The following SLC9C2 variants were observed in gnomAD, a reference collection of about 807,000 sequenced individuals.
SLC9C2 encodes the protein sodium/hydrogen exchanger 11.
In SLC9C2, 75 loss-of-function variants were observed where a neutral mutation model predicts 140.2. That is an observed-to-expected ratio of 0.53 (90% confidence interval 0.44 to 0.65). SLC9C2 has a LOEUF of 0.65. SLC9C2 is among the 30% of genes least tolerant of loss of function. SLC9C2 has a pLI of 0.00. For synonymous variants in SLC9C2, 375 were observed against 420.9 expected, an observed-to-expected ratio of 0.89 and a Z score of 1.34; for missense variants, 1,074 against 1,331.8, an observed-to-expected ratio of 0.81 and a Z score of 3.01.
At chr1:173,502,249 T>C (rs952783536) in intron 27 of SLC9C2, among the ~76,000 whole-genome samples, 8 of 126,158 alleles carry the variant, frequency 6.3e-5, no homozygotes. Flanking sequence ...CTCCAGCCCA[T>C]GTGACAGAGT....
intron 27 of SLC9C2, among the ~76,000 whole-genome samples, chr1:173,502,403 T>TA (rs1425478532): frequency 6.6e-6 from 1 of 151,914 alleles, no homozygotes; most frequent in Non-Finnish European, 1.5e-5. Context: ...TGCATTTGTC[T>TA]AGCACCCTAT....
intron 13 of SLC9C2, 55 bp downstream of exon 13, chr1:173,547,634 G>T (rs1282617948): frequency 7.4e-7 from 1 of 1,347,310 alleles, no homozygotes; most frequent in Non-Finnish European, 1.1e-6. Context: ...CATATGCAAG[G>T]ATCAAAGACA....
chr1:173,540,359 C>T (rs1475648967), intron 13 of SLC9C2, among the ~76,000 whole-genome samples: 1 of 152,216 alleles, frequency 6.6e-6, no homozygotes, highest in Non-Finnish European at 1.5e-5. Context: ...AATAATAAAT[C>T]ATTGCTTTAA....
rs569589802 is a variant in SLC9C2 at position 173,501,329 on chromosome 1, G to A, written c.3372-232C>T. ...ATACTACATTAATTCCATGAGAGTAGTCTATCAAAGGTGGGTTTAAGAAGA... is the reference window on the plus strand; with the variant it reads ...ATACTACATTAATTCCATGAGAGTAATCTATCAAAGGTGGGTTTAAGAAGA... On this transcript the variant is annotated intron_variant, in intron 27 of 27. Transcript: ENST00000367714. Among the ~76,000 whole-genome samples, 5 of 152,184 alleles carry A rather than the reference G, an allele frequency of 3.3e-5. No homozygotes were observed. The South Asian group carries it at 1.0e-3, about 32-fold the overall frequency.
At chr1:173,593,904 T>G (rs541280610) in intron 4 of SLC9C2, among the ~76,000 whole-genome samples, 1 of 152,306 alleles carries the variant, frequency 6.6e-6, no homozygotes, top group Admixed American at 6.5e-5. Context: ...ACATTTAATA[T>G]TTTCAAACCA....
intron 10 of SLC9C2, among the ~76,000 whole-genome samples, chr1:173,555,863 T>C (rs1005881199): frequency 6.6e-6 from 1 of 152,190 alleles, no homozygotes; most frequent in Non-Finnish European, 1.5e-5. Context: ...ACGTGAGGTC[T>C]TTCCCTCTCA....
intron 8 of SLC9C2, among the ~76,000 whole-genome samples, chr1:173,576,032 T>A (rs1310287322): frequency 2.6e-5 from 4 of 152,232 alleles, no homozygotes; most frequent in Non-Finnish European, 5.9e-5. Flanking sequence ...TTAATTTTCA[T>A]GGGAAAACTC....
chr1:173,575,764 G>C (rs899942099), intron 8 of SLC9C2, among the ~76,000 whole-genome samples: 7 of 152,076 alleles, frequency 4.6e-5, no homozygotes, highest in African/African-American at 7.3e-5. Flanking sequence ...ATTTTTAGTA[G>C]AGATGTGGCT....
chr1:173,517,927 C>T (rs1660531894), intron 22 of SLC9C2, among the ~76,000 whole-genome samples: 1 of 152,080 alleles, frequency 6.6e-6, no homozygotes, highest in Non-Finnish European at 1.5e-5. Flanking sequence ...TTACAGATGA[C>T]CCCTATTTAC....
intron 17 of SLC9C2, 75 bp from the exon 18 acceptor site, chr1:173,530,129 A>G (rs936167432): frequency 4.5e-5 from 61 of 1,361,868 alleles, no homozygotes; most frequent in African/African-American, 7.3e-5. Flanking sequence ...AGAAATTCAT[A>G]AAGTGTCATC....
chr1:173,580,280 C>A (rs1174091718), intron 7 of SLC9C2, among the ~76,000 whole-genome samples: 1 of 152,146 alleles, frequency 6.6e-6, no homozygotes, highest in Non-Finnish European at 1.5e-5. Flanking sequence ...TATCAGCACA[C>A]CAGCAGGAGT....
At chr1:173,539,415 T>G (rs1391730305) in intron 13 of SLC9C2, among the ~76,000 whole-genome samples, 2 of 152,104 alleles carry the variant, frequency 1.3e-5, no homozygotes, top group African/African-American at 2.4e-5. Flanking sequence ...TTGATAGAGC[T>G]TGGAGAAGGA....
chr1:173,562,997 G>A (rs1664215517), intron 9 of SLC9C2, among the ~76,000 whole-genome samples: 1 of 151,192 alleles, frequency 6.6e-6, no homozygotes, highest in Admixed American at 6.6e-5. Flanking sequence ...GGAGAGCGGT[G>A]CCTCCCCTGG....
rs189944717 is a variant in SLC9C2 at position 173,540,216 on chromosome 1, C to T, written c.1558-3177G>A. On this transcript the variant is annotated intron_variant, in intron 13 of 27. Coordinates refer to ENST00000367714, the MANE Select transcript of SLC9C2 (RefSeq NM_178527.4). Reference sequence around the variant, plus strand: ...CCTGGAAGACAACTAGCATCAGCTGCCAAACCTGCGAGTGAGGACATCCTG... The same window carrying T: ...CCTGGAAGACAACTAGCATCAGCTGTCAAACCTGCGAGTGAGGACATCCTG... Among the ~76,000 whole-genome samples, 352 of 152,258 alleles carry T rather than the reference C, an allele frequency of 2.3e-3. 3 individuals carry two copies. Among genetic ancestry groups the T allele is most frequent in the African/African-American group, 7.8e-3 (326 of 41,552 alleles).
At chr1:173,582,705 T>G (rs547013201) in intron 6 of SLC9C2, among the ~76,000 whole-genome samples, 10 of 152,326 alleles carry the variant, frequency 6.6e-5, no homozygotes, top group African/African-American at 2.4e-4. Flanking sequence ...CCCCTTTTCA[T>G]TTCTACTAGT....
intron 20 of SLC9C2, 63 bp downstream of exon 20, chr1:173,524,716 T>C: frequency 6.4e-7 from 1 of 1,567,532 alleles, no homozygotes; most frequent in South Asian, 1.2e-5. Flanking sequence ...CCCTCCTTAT[T>C]ACACACTGCT....
In SLC9C2 at chr1:173,601,737, G is replaced by T. The variant is rs372743268; in HGVS notation, c.40C>A (p.Pro14Thr). ...YFWAQNESNR[P>T]DLLCGQPADY... ...GCTGGCTGCCCGCAGAGTAAATCAG[G>T]TCTGTTACTTTCATTTTGTGCCCAG... The change falls in exon 2 of 28, where the codon CCT (proline) becomes ACT (threonine). Residue 14 changes from proline to threonine, a missense_variant. Coordinates refer to ENST00000367714, the MANE Select transcript of SLC9C2 (RefSeq NM_178527.4). The T allele has an allele frequency of 1.2e-6, 2 of 1,614,016 alleles. No homozygotes were observed. Among genetic ancestry groups the T allele is most frequent in the Non-Finnish European group, 1.7e-6 (2 of 1,179,960 alleles).
chr1:173,506,070 T>G (rs947440476), intron 25 of SLC9C2, among the ~76,000 whole-genome samples: 1 of 152,242 alleles, frequency 6.6e-6, no homozygotes, highest in African/African-American at 2.4e-5. Flanking sequence ...AACATGTAAA[T>G]TACCTTCATC....
chr1:173,536,907 T>C, intron 14 of SLC9C2, 35 bp downstream of exon 14: 1 of 1,410,950 alleles, frequency 7.1e-7, no homozygotes, highest in South Asian at 1.2e-5. Context: ...GTCATTCAAT[T>C]TTGGAAATAT....
Sources: allele counts gnomAD v4.1 joint callset (sites outside exome capture counted in the v4.1 genomes callset), GRCh38; gene constraint gnomAD v4.1.1; transcripts MANE v1.5; gene names NCBI Gene and HGNC (gene_info 2026-07-23, HGNC 2026-07-21).